The following CCT6A variants were observed in gnomAD, a reference collection of about 807,000 sequenced individuals.
CCT6A encodes the protein chaperonin containing TCP1 subunit 6A, also known as T-complex protein 1 subunit zeta.
In CCT6A, 6 loss-of-function variants were observed where a neutral mutation model predicts 58.6. That is an observed-to-expected ratio of 0.10 (90% CI 0.06 to 0.20). CCT6A has a LOEUF of 0.20. Ranked by LOEUF, CCT6A falls within the 10% of genes least tolerant of loss-of-function variation. CCT6A has a pLI of 1.00. For synonymous variants in CCT6A, 245 were observed against 227.8 expected (o/e 1.08, Z -0.68); for missense variants, 516 against 648.8 (o/e 0.80, Z 2.22).
At chr7:56,054,313 G>A (rs1460328149) in intron 2 of CCT6A, 56 bp from the exon 3 acceptor site, 1 of 1,461,148 alleles carries the variant, frequency 6.8e-7, no homozygotes, top group Non-Finnish European at 9.5e-7. Context: ...TTTGTCTGTG[G>A]TATATTTAGA....
At chr7:56,058,566 C>G (rs755628988) in intron 7 of CCT6A, 45 bp downstream of exon 7, 1 of 1,571,648 alleles carries the variant, frequency 6.4e-7, no homozygotes, top group South Asian at 1.1e-5. Flanking sequence ...TACGTATCAT[C>G]CTTTTTACTT....
chr7:56,063,413 G>T lies in CCT6A; in HGVS notation c.*328G>T. 1 of 274,238 alleles carries T rather than the reference G, an allele frequency of 3.6e-6. No homozygotes were observed. Among genetic ancestry groups the T allele is most frequent in the Non-Finnish European group, 7.0e-6 (1 of 143,564 alleles). The allele number at this position is 274,238 out of a possible 1,614,324, so 17.0% of individuals were successfully genotyped here. ...ATTTCTTGAAAAGCAAATTTTAATG[G>T]TTTAATTTTATGTGGACGTATGTTA... On this transcript the variant is annotated 3_prime_UTR_variant, in exon 14 of 14. Coordinates refer to ENST00000275603, the MANE Select transcript of CCT6A (RefSeq NM_001762.4).
At chr7:56,060,077 T>G in intron 9 of CCT6A, 192 bp from the exon 10 acceptor site, 1 of 581,886 alleles carries the variant, frequency 1.7e-6, no homozygotes, top group South Asian at 2.2e-5. Context: ...AAGGTTTATG[T>G]GTAGTAATGG....
At chr7:56,052,527 C>T (rs749210716) in intron 2 of CCT6A, 42 bp downstream of exon 2, 17 of 1,495,778 alleles carry the variant, frequency 1.1e-5, no homozygotes, top group Middle Eastern at 1.7e-4. Context: ...TCTTGATTTT[C>T]CGTAGAATGT....
intron 11 of CCT6A, 79 bp from the exon 12 acceptor site, chr7:56,061,668 C>CTTTTTTTTTTTTTTT (rs71015174): frequency 2.6e-5 from 8 of 312,694 alleles, no homozygotes; most frequent in African/African-American, 1.2e-4. Context: ...TTTCTTTTTT[C>CTTTTTTTTTTTTTTT]TTTTTTTTTT....
chr7:56,057,163 T>C (rs1794327039), intron 5 of CCT6A, among the ~76,000 whole-genome samples: 1 of 152,172 alleles, frequency 6.6e-6, no homozygotes, highest in Admixed American at 6.5e-5. Flanking sequence ...TAGGAGAATA[T>C]TGTTTTTAGT....
intron 11 of CCT6A, among the ~76,000 whole-genome samples, chr7:56,061,511 GTTTT>G (rs746529051): frequency 6.7e-6 from 1 of 149,012 alleles, no homozygotes; most frequent in Non-Finnish European, 1.5e-5. Flanking sequence ...ACCCGGCCAG[GTTTT>G]TTTTTATTTT....
intron 12 of CCT6A, 190 bp from the exon 13 acceptor site, chr7:56,062,487 CTAAGTA>C (rs1366702403): frequency 5.8e-5 from 36 of 618,996 alleles, no homozygotes; most frequent in South Asian, 4.5e-4. Context: ...TTCAGGACTT[CTAAGTA>C]TAAGTCAGAC....
rs1794435364 is a variant in CCT6A at position 56,061,598 on chromosome 7, C to T, written c.1348-149C>T. ...CTGACCTCAGGTGATCCACCTTCCA[C>T]GGCCTCCCAAAGTCCTGGGATTACA... On this transcript the variant is annotated intron_variant, in intron 11 of 13. Coordinates refer to ENST00000275603, the MANE Select transcript of CCT6A (RefSeq NM_001762.4). 5 of 465,254 alleles carry T rather than the reference C, an allele frequency of 1.1e-5. No homozygotes were observed. The Admixed American group carries it at 1.3e-4, about 12-fold the overall frequency. 28.8% of individuals were successfully genotyped at this position (465,254 alleles called of 1,614,324 possible).
chr7:56,052,319 A>G (rs543152970), intron 1 of CCT6A, 103 bp from the exon 2 acceptor site: 2 of 1,001,116 alleles, frequency 2.0e-6, no homozygotes, highest in East Asian at 2.4e-5. Flanking sequence ...AACTAGCCCC[A>G]CATCCCTGGC....
intron 2 of CCT6A, among the ~76,000 whole-genome samples, chr7:56,053,328 C>A (rs1428710528): frequency 2.6e-5 from 4 of 152,100 alleles, no homozygotes; most frequent in African/African-American, 9.7e-5. Context: ...AGTGGTATAC[C>A]ATGCCATCAA....
intron 3 of CCT6A, among the ~76,000 whole-genome samples, chr7:56,055,151 G>A (rs1794278951): frequency 6.6e-6 from 1 of 152,152 alleles, no homozygotes; most frequent in African/African-American, 2.4e-5. Context: ...GTGCATGCCT[G>A]TAATCCCAGC....
Position 56,056,271 on chromosome 7 carries a change from A to G in CCT6A, c.511-40A>G. The G allele has an allele frequency of 3.9e-6, 4 of 1,025,406 alleles. 1 individual carries two copies. The Middle Eastern group carries it at 6.1e-4, about 155-fold the overall frequency. 63.5% of individuals were successfully genotyped at this position (1,025,406 alleles called of 1,614,324 possible). On this transcript the variant is annotated intron_variant, in intron 4 of 13. Transcript: ENST00000275603. ...CTGAAAAGCAACATGTTTCTGCTGC[A>G]AATTGAATTTACTTAACGGTTATGC... is the stretch of plus-strand genomic sequence containing the variant.
At position 56,063,892 on chromosome 7, in the gene CCT6A, C is replaced by T. The variant is rs1424817659; in HGVS notation, c.*807C>T. The stretch of plus-strand genomic sequence containing the variant: ...TTTATATATAGTTGGTCTATCTCTG[C>T]AGTCCTTGAAGGTGAAGTTGTGTGT... On this transcript the variant is annotated 3_prime_UTR_variant, in exon 14 of 14. Transcript: ENST00000275603. 2 of 255,898 alleles carry T rather than the reference C, an allele frequency of 7.8e-6. No individual in the cohort carries two copies. The highest frequency in any genetic ancestry group is 1.5e-5 in the Non-Finnish European group (2 of 133,486). The allele number at this position is 255,898 out of a possible 1,614,324, so 15.9% of individuals were successfully genotyped here. A position where few individuals can be genotyped will look rare whatever the true frequency, so the allele number is the denominator to read the frequency against.
intron 8 of CCT6A, 78 bp downstream of exon 8, chr7:56,058,780 G>A (rs1794368543): frequency 1.1e-6 from 1 of 892,794 alleles, no homozygotes; most frequent in East Asian, 2.4e-5. Context: ...TTATTTTTGG[G>A]TTTTTCAACT....
rs192687679 is a variant in CCT6A at position 56,057,016 on chromosome 7, C to T, written c.614+602C>T. ...TTCACCATGTTAACCAGGATGATCT[C>T]GATCTCCTGACCTCGTGATCCGCCC... On this transcript the variant is annotated intron_variant, in intron 5 of 13. Transcript: ENST00000275603. Among the ~76,000 whole-genome samples the T allele has an allele frequency of 3.7e-3, 558 of 152,108 alleles. 7 individuals are homozygous for T. Among genetic ancestry groups the T allele is most frequent in the African/African-American group, 0.013 (534 of 41,530 alleles).
At chr7:56,062,946 A>G in intron 13 of CCT6A, 67 bp from the exon 14 acceptor site, 2 of 1,305,472 alleles carry the variant, frequency 1.5e-6, no homozygotes, top group Non-Finnish European at 1.1e-6. Context: ...CTTGGTTGGA[A>G]GTGGGAAGTT....
chr7:56,062,840 CATG>C, intron 13 of CCT6A, 85 bp downstream of exon 13: 1 of 1,248,362 alleles, frequency 8.0e-7, no homozygotes, highest in Non-Finnish European at 1.2e-6. Flanking sequence ...TCCTTTCCCC[CATG>C]AATAATGTGA....
At chr7:56,055,916 G>A in intron 4 of CCT6A, 119 bp downstream of exon 4, 1 of 702,476 alleles carries the variant, frequency 1.4e-6, no homozygotes, top group Non-Finnish European at 2.3e-6. Context: ...GTTCATTTTT[G>A]TGGCAATGAT....
Sources: allele counts gnomAD v4.1 joint callset (sites outside exome capture counted in the v4.1 genomes callset), GRCh38; gene constraint gnomAD v4.1.1; transcripts MANE v1.5; gene names NCBI Gene and HGNC (gene_info 2026-07-23, HGNC 2026-07-21).